Variants in C11orf65 observed in about 807,000 individuals in gnomAD.
C11orf65 encodes chromosome 11 open reading frame 65.
In C11orf65, 38 loss-of-function variants were observed where a neutral mutation model predicts 35.3. The observed-to-expected ratio is 1.08, with a 90% CI of 0.83 to 1.41. The LOEUF (loss-of-function observed/expected upper bound fraction) is 1.41, where lower values mean the gene tolerates loss of function less well. Among genes scored for constraint, C11orf65 ranks in the 40% most tolerant of loss-of-function variants. The pLI is 0.00. For missense variants in C11orf65, 370 were observed against 367.1 expected (o/e 1.01, Z -0.06); for synonymous variants, 105 against 114.4 (o/e 0.92, Z 0.53).
At chr11:108,454,532 A>T (rs2093390091) in intron 2 of C11orf65, among the ~76,000 whole-genome samples, 2 of 152,196 alleles carry the variant, frequency 1.3e-5, no homozygotes, top group African/African-American at 4.8e-5. Context: ...TCCCGACCTC[A>T]GGTGATCCGC....
chr11:108,447,057 G>C (rs2093273515), intron 2 of C11orf65, among the ~76,000 whole-genome samples: 3 of 152,234 alleles, frequency 2.0e-5, no homozygotes, highest in South Asian at 2.1e-4. Context: ...TAATGATAAA[G>C]GGATCAATTC....
downstream of C11orf65, among the ~76,000 whole-genome samples, chr11:108,328,311 A>G (rs958995551): frequency 6.6e-6 from 1 of 152,134 alleles, no homozygotes; most frequent in East Asian, 1.9e-4. Context: ...CAGTGGCGCA[A>G]TCTCGGCTCA....
chr11:108,387,060 T>C (rs60683001), intron 7 of C11orf65, among the ~76,000 whole-genome samples: 81,590 of 149,588 alleles, frequency 0.55, 22,667 homozygotes, highest in Middle Eastern at 0.74. Context: ...CCAGCTTGGG[T>C]GACAGAGCGA....
At chr11:108,309,755 A>G (rs1290986165) in intron 6 of C11orf65, among the ~76,000 whole-genome samples, 1 of 152,202 alleles carries the variant, frequency 6.6e-6, no homozygotes, top group East Asian at 1.9e-4. Context: ...CTTAGATGAA[A>G]CAATATTTTT....
At chr11:108,377,827 T>C (rs1424578073), downstream of C11orf65, among the ~76,000 whole-genome samples, 4 of 152,012 alleles carry the variant, frequency 2.6e-5, no homozygotes, top group Non-Finnish European at 5.9e-5. Context: ...AGCATTCTTA[T>C]ACACCAATAA....
rs56283878 is a variant in C11orf65, at chr11:108,353,900, G to C, written c.227-18608C>G. The C allele has an allele frequency of 1.4e-4, 218 of 1,595,398 alleles. 2 individuals are homozygous for C. In the East Asian group the frequency reaches 4.8e-3, roughly 35 times the overall value. On this transcript the variant is annotated intron_variant, in intron 2 of 3. Transcript: ENST00000524755. ...CAGAAGGTAAGTGATATGAAGTAAA[G>C]GAGGGAAATAATTTTTGATGTCAAA...
intron 6 of C11orf65, among the ~76,000 whole-genome samples, chr11:108,400,738 C>G (rs1290385836): frequency 6.6e-6 from 1 of 152,090 alleles, no homozygotes; most frequent in African/African-American, 2.4e-5. Context: ...CTAAAGGAAC[C>G]AGTTCCATCA....
rs1555114558 is a variant in C11orf65, at chr11:108,317,377, T to C, written c.641-8306A>G. The stretch of plus-strand genomic sequence containing the variant: ...AACAAAATAACTCCTGTTTAGGCCT[T>C]GCAGAATTTGGGACTCTGCCATATT... On this transcript the variant is annotated intron_variant, in intron 6 of 6. Coordinates refer to the C11orf65 transcript ENST00000525729. 1 of 1,611,006 alleles carries C rather than the reference T, an allele frequency of 6.2e-7. No individual in the cohort carries two copies. Among genetic ancestry groups the C allele is most frequent in the Non-Finnish European group, 8.5e-7 (1 of 1,178,190 alleles).
rs185696512 is a variant in C11orf65 at position 108,335,643 on chromosome 11, G to C, written c.227-351C>G. On this transcript the variant is annotated intron_variant, in intron 2 of 3. Coordinates refer to the C11orf65 transcript ENST00000524755. ...GTTAATCTAATTACAGAAGTAGCGA[G>C]GGGAAACTTTCTAAATCAGTGTAAA... Among the ~76,000 whole-genome samples, 3 of 152,264 alleles carry C rather than the reference G, an allele frequency of 2.0e-5. No homozygotes were observed. The East Asian group carries it at 5.8e-4, about 29-fold the overall frequency.
chr11:108,334,536 T>G (rs2086622397), intron 3 of C11orf65, among the ~76,000 whole-genome samples: 1 of 144,828 alleles, frequency 6.9e-6, no homozygotes, highest in African/African-American at 2.5e-5. Flanking sequence ...AAATACATTG[T>G]CTTTCTTTTC....
rs200729080 is a variant in C11orf65 at position 108,397,512 on chromosome 11, TCA to T, written c.561-4136_561-4135del. ...TAAAACAACAAAGACCTAGGAAGAA[TCA>T]AAGCTTAAGTTGCAAAGGAGGTTGA... On this transcript the variant is annotated intron_variant, in intron 6 of 8. Transcript: ENST00000393084. 6.0e-3 allele frequency among the ~76,000 whole-genome samples: 918 copies of T among 152,202 alleles called. 6 individuals are homozygous for T. Among genetic ancestry groups the T allele is most frequent in the East Asian group, 0.011 (55 of 5,180 alleles).
chr11:108,451,474 A>G (rs541351363), intron 2 of C11orf65, among the ~76,000 whole-genome samples: 1 of 151,920 alleles, frequency 6.6e-6, no homozygotes, highest in Non-Finnish European at 1.5e-5. Context: ...CTTCAAGGAG[A>G]ACTACAAACC....
chr11:108,451,823 A>G (rs1393954589), intron 2 of C11orf65, among the ~76,000 whole-genome samples: 4 of 152,226 alleles, frequency 2.6e-5, no homozygotes, highest in African/African-American at 7.2e-5. Flanking sequence ...GATCAATGGA[A>G]CAGAACAAAG....
At chr11:108,407,388 T>C (rs1421648145) in intron 3 of C11orf65, among the ~76,000 whole-genome samples, 1 of 151,782 alleles carries the variant, frequency 6.6e-6, no homozygotes, top group Admixed American at 6.6e-5. Flanking sequence ...CTCAGCTCAC[T>C]GCAGCCTTAA....
At chr11:108,420,799 G>C (rs1036633139) in intron 3 of C11orf65, among the ~76,000 whole-genome samples, 1 of 151,874 alleles carries the variant, frequency 6.6e-6, no homozygotes, top group Non-Finnish European at 1.5e-5. Flanking sequence ...TTATTTTGTA[G>C]AGATGGGGTC....
chr11:108,319,817 C>G, intron 6 of C11orf65: 1 of 654,070 alleles, frequency 1.5e-6, no homozygotes, highest in Non-Finnish European at 2.7e-6. Context: ...GTATTTCTTA[C>G]CAAAAATTCT....
At chr11:108,323,454 G>A (rs2085377614) in intron 6 of C11orf65, among the ~76,000 whole-genome samples, 1 of 152,060 alleles carries the variant, frequency 6.6e-6, no homozygotes, top group African/African-American at 2.4e-5. Flanking sequence ...AAAAACACAG[G>A]TAAATAGAAG....
rs186710893 is a variant in C11orf65 at position 108,410,930 on chromosome 11, C to A, written c.175-3781G>T. On this transcript the variant is annotated intron_variant, in intron 3 of 8. Transcript: ENST00000393084. ...TTCACCATGTTGGTCAGACTGGTCT[C>A]GAACTCCTGACCTCATGATCCCCCT... Among the ~76,000 whole-genome samples, 287 of 151,856 alleles carry A rather than the reference C, an allele frequency of 1.9e-3. 3 individuals are homozygous for A. Among genetic ancestry groups the A allele is most frequent in the African/African-American group, 6.7e-3 (276 of 41,456 alleles).
intron 3 of C11orf65, among the ~76,000 whole-genome samples, chr11:108,418,389 C>T (rs1426841449): frequency 6.6e-6 from 1 of 151,854 alleles, no homozygotes. Context: ...GGGCTGACAA[C>T]AAAAAGATAA....
Sources: allele counts gnomAD v4.1 joint callset (sites outside exome capture counted in the v4.1 genomes callset), GRCh38; gene constraint gnomAD v4.1.1; transcripts MANE v1.5; gene names NCBI Gene and HGNC (gene_info 2026-07-23, HGNC 2026-07-21).